The following OOSP1 variants were observed in gnomAD, a reference collection of about 807,000 sequenced individuals.
OOSP1 encodes the protein oocyte secreted protein 1.
OOSP1 carries 11 observed loss-of-function variants against 5.7 expected under a neutral mutation model. That is an observed-to-expected ratio of 1.94 (90% confidence interval 1.22 to 3.20). The LOEUF (loss-of-function observed/expected upper bound fraction) is 3.20. Ranked by LOEUF, OOSP1 falls within the 30% of genes most tolerant of loss-of-function variation. The pLI, the probability that OOSP1 is intolerant of heterozygous loss-of-function variation, is 0.00. For missense variants in OOSP1, 83 were observed against 54.1 expected, an observed-to-expected ratio of 1.53 and a Z score of -1.67; for synonymous variants, 44 against 20.0, an observed-to-expected ratio of 2.20 and a Z score of -3.20.
At chr11:59,950,577 G>A (rs748163356) in intron 4 of OOSP1, among the ~76,000 whole-genome samples, 17 of 152,180 alleles carry the variant, frequency 1.1e-4, no homozygotes, top group Non-Finnish European at 2.1e-4. Context: ...TGGGAGCCGT[G>A]CAGGTGGAGT....
chr11:59,942,623 T>C (rs778273189), intron 1 of OOSP1, among the ~76,000 whole-genome samples: 3 of 152,140 alleles, frequency 2.0e-5, no homozygotes, highest in Non-Finnish European at 4.4e-5. Flanking sequence ...CCCCTATATA[T>C]AGATTCACTA....
intron 2 of OOSP1, among the ~76,000 whole-genome samples, chr11:59,943,477 A>G (rs1260728210): frequency 2.0e-5 from 3 of 152,244 alleles, no homozygotes; most frequent in African/African-American, 4.8e-5. Context: ...CATTTAGGAC[A>G]GAAGCAGTTA....
chr11:59,952,473 T>C (rs1853949817), intron 4 of OOSP1, among the ~76,000 whole-genome samples: 1 of 152,184 alleles, frequency 6.6e-6, no homozygotes, highest in South Asian at 2.1e-4. Flanking sequence ...AATGGCATAA[T>C]GTCTTTTGCA....
intron 4 of OOSP1, among the ~76,000 whole-genome samples, chr11:59,952,271 C>T (rs1853947583): frequency 6.6e-6 from 1 of 152,104 alleles, no homozygotes; most frequent in African/African-American, 2.4e-5. Flanking sequence ...TCTATTTGAT[C>T]TACCAATCTT....
intron 1 of OOSP1, among the ~76,000 whole-genome samples, chr11:59,940,459 TA>T (rs1476850551): frequency 7.9e-5 from 12 of 152,266 alleles, no homozygotes; most frequent in African/African-American, 2.9e-4. Context: ...TGTGGATCTG[TA>T]AATATGTTTC....
At chr11:59,954,852 C>T (rs1210170871) in intron 4 of OOSP1, among the ~76,000 whole-genome samples, 1 of 151,964 alleles carries the variant, frequency 6.6e-6, no homozygotes, top group Non-Finnish European at 1.5e-5. Flanking sequence ...AATTCTGAAG[C>T]CCAATTTAGG....
In OOSP1 at chr11:59,954,333, C is replaced by T. The variant is rs192180366; in HGVS notation, c.487-2862C>T. Among the ~76,000 whole-genome samples the T allele has an allele frequency of 5.9e-5, 9 of 151,870 alleles. No homozygotes were observed. The East Asian group carries it at 1.7e-3, about 29-fold the overall frequency. On this transcript the variant is annotated intron_variant, in intron 4 of 4. Transcript: ENST00000646685. ...CTTGTTCCATGAAAGCAGACATGTG[C>T]AGTACGTAAACAAATAAGCATGGCC...
intron 1 of OOSP1, among the ~76,000 whole-genome samples, chr11:59,940,919 A>T (rs750988548): frequency 6.6e-6 from 1 of 152,228 alleles, no homozygotes; most frequent in Non-Finnish European, 1.5e-5. Flanking sequence ...TCAGCTTCAC[A>T]CAATGGTAAC....
chr11:59,954,491 G>A (rs1169069669), intron 4 of OOSP1, among the ~76,000 whole-genome samples: 2 of 152,066 alleles, frequency 1.3e-5, no homozygotes, highest in South Asian at 4.1e-4. Context: ...CTCTGAATAT[G>A]TTGACAGTTC....
intron 3 of OOSP1, among the ~76,000 whole-genome samples, chr11:59,946,827 T>C (rs987077909): frequency 4.8e-5 from 6 of 125,778 alleles, no homozygotes; most frequent in African/African-American, 2.0e-4. Context: ...AGATTGGGTC[T>C]TTTTTTTTTT....
chr11:59,952,943 G>A (rs7109274), intron 4 of OOSP1, among the ~76,000 whole-genome samples: 5,522 of 152,130 alleles, frequency 0.036, 155 homozygotes, highest in Non-Finnish European at 0.056. Context: ...GCATTCTTAG[G>A]TAAGTTAGAA....
intron 1 of OOSP1, 109 bp from the exon 2 acceptor site, chr11:59,942,738 G>C (rs1467405559): frequency 1.7e-6 from 1 of 593,258 alleles, no homozygotes; most frequent in African/African-American, 1.9e-5. Flanking sequence ...AAGACATTTT[G>C]TTTTAGTAAG....
chr11:59,938,515 G>A lies in OOSP1; in HGVS notation c.61G>A (p.Ala21Thr), dbSNP rs146142782. 2.1e-4 allele frequency: 126 copies of A among 606,162 alleles called. 1 individual carries two copies. Among genetic ancestry groups the A allele is most frequent in the Middle Eastern group, 1.7e-3 (7 of 4,002 alleles). The allele number at this position is 606,162 out of a possible 1,614,324, so 37.5% of individuals were successfully genotyped here. Residue 21 changes from alanine (A) to threonine (T), a missense_variant, in exon 1 of 5, where the codon GCT (alanine) becomes ACT (threonine). By Grantham distance (58) the Ala-to-Thr change is moderately conservative. Coordinates refer to ENST00000646685, the Ensembl canonical transcript of OOSP1. ...TCTGCATTCCTTGATATGGACCTGC[G>A]CTGGGGACTGGTCAGGTATAACTTA...
At chr11:59,949,404 G>A (rs1476818904) in intron 4 of OOSP1, among the ~76,000 whole-genome samples, 1 of 152,004 alleles carries the variant, frequency 6.6e-6, no homozygotes, top group Admixed American at 6.6e-5. Context: ...GATGATTGAG[G>A]AAAGAGCTCA....
chr11:59,942,395 C>A (rs1453054550), intron 1 of OOSP1, among the ~76,000 whole-genome samples: 1 of 152,090 alleles, frequency 6.6e-6, no homozygotes, highest in Non-Finnish European at 1.5e-5. Flanking sequence ...GTGGACAAGT[C>A]TTTATATATC....
exon 3 of OOSP1, chr11:59,945,236 C>A: frequency 2.8e-6 from 2 of 703,030 alleles, no homozygotes. Flanking sequence ...ACTGTCCGAT[C>A]TGAAATGCCT....
At chr11:59,956,713 C>T (rs182538591) in intron 4 of OOSP1, among the ~76,000 whole-genome samples, 42 of 152,280 alleles carry the variant, frequency 2.8e-4, no homozygotes, top group Admixed American at 7.2e-4. Context: ...CCCTTTCCCA[C>T]TCTTCCCTGA....
chr11:59,956,271 A>G (rs1161875789), intron 4 of OOSP1, among the ~76,000 whole-genome samples: 3 of 151,866 alleles, frequency 2.0e-5, no homozygotes, highest in African/African-American at 4.8e-5. Context: ...AACCAAAAGC[A>G]TGATAGCAAT....
chr11:59,945,000 A>G (rs553981482), intron 2 of OOSP1, among the ~76,000 whole-genome samples, 169 bp from the exon 3 acceptor site: 2 of 152,336 alleles, frequency 1.3e-5, no homozygotes, highest in South Asian at 4.1e-4. Context: ...CCCATCTGTC[A>G]GTTTGGAAAA....
Sources: gnomAD v4.1 joint callset for allele counts (sites outside exome capture counted in the v4.1 genomes callset) on GRCh38, gnomAD v4.1.1 for gene constraint, MANE v1.5 for transcripts, NCBI Gene and HGNC (gene_info 2026-07-23, HGNC 2026-07-21) for gene names.